The following CRIPTO variants were observed in gnomAD, a reference collection of about 807,000 sequenced individuals.
CRIPTO encodes the protein cripto, EGF-CFC family member.
At chr3:46,579,737 A>G in the CRIPTO span, 1 of 1,612,512 alleles carries the variant, frequency 6.2e-7, no homozygotes, top group African/African-American at 1.3e-5. Context: ...CTTACCTTTC[A>G]GGTAAGGAGC....
At chr3:46,575,415 C>T in the CRIPTO span, among the ~76,000 whole-genome samples, 2 of 152,152 alleles carry the variant, frequency 1.3e-5, no homozygotes, top group Non-Finnish European at 2.9e-5. Context: ...TCCCCACCCC[C>T]CATCCCAAAA....
At chr3:46,576,557 G>A in the CRIPTO span, among the ~76,000 whole-genome samples, 2 of 148,670 alleles carry the variant, frequency 1.3e-5, no homozygotes, top group Admixed American at 1.3e-4. Flanking sequence ...GTGGATCCAT[G>A]GCATTCACAC....
the CRIPTO span, among the ~76,000 whole-genome samples, chr3:46,575,125 C>T: frequency 6.6e-6 from 1 of 152,202 alleles, no homozygotes; most frequent in Non-Finnish European, 1.5e-5. Flanking sequence ...AGTGACCAAG[C>T]AGAGGTGACC....
the CRIPTO span, among the ~76,000 whole-genome samples, chr3:46,578,285 A>C: frequency 2.6e-5 from 4 of 152,020 alleles, no homozygotes; most frequent in Admixed American, 2.6e-4. Context: ...AAAGGTCAGT[A>C]CTACAACCAA....
At chr3:46,576,623 C>T in the CRIPTO span, among the ~76,000 whole-genome samples, 1 of 151,946 alleles carries the variant, frequency 6.6e-6, no homozygotes, top group Non-Finnish European at 1.5e-5. Context: ...TCTGCCGAGG[C>T]CTAAATCCAA....
At chr3:46,577,975 C>A in the CRIPTO span, 1 of 1,614,224 alleles carries the variant, frequency 6.2e-7, no homozygotes, top group Non-Finnish European at 8.5e-7. Flanking sequence ...AAGCTATGGA[C>A]TGCAGGAAGA....
the CRIPTO span, chr3:46,581,289 T>C: frequency 1.3e-6 from 2 of 1,508,550 alleles, no homozygotes; most frequent in South Asian, 1.1e-5. Flanking sequence ...ATTTTAGATA[T>C]CATGCAAATT....
At chr3:46,574,678 TG>T in the CRIPTO span, 2 of 152,238 alleles carry the variant, frequency 1.3e-5, no homozygotes, top group African/African-American at 4.8e-5. Context: ...ACTCTTTGGT[TG>T]GAATTTAGTT....
the CRIPTO span, chr3:46,579,858 G>A: frequency 6.2e-7 from 1 of 1,614,200 alleles, no homozygotes; most frequent in East Asian, 2.2e-5. Context: ...CAAAGAGTAA[G>A]CAATTCAGAG....
chr3:46,581,529 A>C, the CRIPTO span: 1 of 528,192 alleles, frequency 1.9e-6, no homozygotes, highest in Admixed American at 3.8e-5. Context: ...TTTTTTTTTG[A>C]GACGGAGTCT....
chr3:46,575,444 T>C, the CRIPTO span, among the ~76,000 whole-genome samples: 3 of 152,012 alleles, frequency 2.0e-5, no homozygotes, highest in African/African-American at 7.2e-5. Context: ...AGGCTCTGAA[T>C]ACCCTGGATC....
At chr3:46,579,623 A>T in the CRIPTO span, 1 of 1,287,766 alleles carries the variant, frequency 7.8e-7, no homozygotes, top group Non-Finnish European at 1.1e-6. Context: ...CTCTGCTCAA[A>T]GGCACAGAGA....
chr3:46,575,524 G>T, the CRIPTO span, among the ~76,000 whole-genome samples: 9 of 152,144 alleles, frequency 5.9e-5, no homozygotes, highest in African/African-American at 2.2e-4. Context: ...GGTCCTTAGA[G>T]AAGGGATTTT....
chr3:46,579,171 A>G, the CRIPTO span: 9 of 1,614,078 alleles, frequency 5.6e-6, no homozygotes, highest in Non-Finnish European at 6.8e-6. Flanking sequence ...TGTTCTTTTG[A>G]TCACTCTCAA....
chr3:46,578,064 G>A, the CRIPTO span: 63,645 of 1,559,924 alleles, frequency 0.041, 2,485 homozygotes, highest in East Asian at 0.16. Flanking sequence ...AGCTTAGGAA[G>A]TAATGTTCTA....
the CRIPTO span, chr3:46,579,398 C>T: frequency 3.7e-6 from 6 of 1,613,856 alleles, no homozygotes; most frequent in Non-Finnish European, 5.1e-6. Flanking sequence ...TGCTTCTGCC[C>T]TGGCCCTTCA....
At chr3:46,575,605 A>C in the CRIPTO span, among the ~76,000 whole-genome samples, 1 of 152,164 alleles carries the variant, frequency 6.6e-6, no homozygotes, top group African/African-American at 2.4e-5. Context: ...TGGAGACCTC[A>C]GTTACTTCCT....
chr3:46,579,233 G>A, the CRIPTO span: 11 of 1,613,994 alleles, frequency 6.8e-6, no homozygotes, highest in African/African-American at 1.2e-4. Context: ...GTCGTTAAGG[G>A]CTGGGCCATC....
the CRIPTO span, chr3:46,579,901 G>C: frequency 1.2e-6 from 2 of 1,614,098 alleles, no homozygotes. Flanking sequence ...GAGAGAAAGG[G>C]AAGTGGAAAT....
Sources: allele counts gnomAD v4.1 joint callset (sites outside exome capture counted in the v4.1 genomes callset), GRCh38; gene constraint gnomAD v4.1.1; transcripts MANE v1.5; gene names NCBI Gene and HGNC (gene_info 2026-07-23, HGNC 2026-07-21).